Variants in LEFTY2 observed in about 807,000 individuals in gnomAD.
LEFTY2 encodes left-right determination factor 2.
In LEFTY2, 10 loss-of-function variants were observed where a neutral mutation model predicts 26.4. The observed-to-expected ratio is 0.38, with a 90% CI of 0.23 to 0.64. The LOEUF is 0.64. Among genes scored for constraint, LEFTY2 ranks in the 30% least tolerant of loss-of-function variants. The probability of loss-of-function intolerance (pLI) is 0.56; values close to 1 mark genes in which losing one functional copy is unlikely to be tolerated. For synonymous variants in LEFTY2, 204 were observed against 234.1 expected (o/e 0.87, Z 1.17); for missense variants, 407 against 502.1 (o/e 0.81, Z 1.81).
chr1:225,940,024 G>A (rs755305700), intron 1 of LEFTY2, 22 bp from the exon 2 acceptor site: 1 of 1,595,642 alleles, frequency 6.3e-7, no homozygotes, highest in Non-Finnish European at 8.5e-7. Context: ...AGCAGGGTCA[G>A]CAGGGCCTCC....
At position 225,936,962 on chromosome 1, in the gene LEFTY2, C is replaced by T. The variant is rs1287372967; in HGVS notation, c.*479G>A. On this transcript the variant is annotated 3_prime_UTR_variant, in exon 4 of 4. Transcript: ENST00000366820. ...CTGCCCCCAGCCTGAAGCCCTTCAT[C>T]CTTCCTCTTAGCACCCTCTCAGGGG... The T allele has an allele frequency of 2.8e-5, 5 of 177,872 alleles. No homozygotes were observed. The South Asian group carries it at 5.8e-4, about 21-fold the overall frequency. 11.0% of individuals were successfully genotyped at this position (177,872 alleles called of 1,614,324 possible). A position where few individuals can be genotyped will look rare whatever the true frequency, so the allele number is the denominator to read the frequency against.
In LEFTY2 at chr1:225,939,856, G is replaced by T. The variant is rs1672272477; in HGVS notation, c.397C>A (p.His133Asn). The T allele has an allele frequency of 6.5e-7, 1 of 1,545,294 alleles. No homozygotes were observed. The highest frequency in any genetic ancestry group is 1.4e-5 in the African/African-American group (1 of 74,034). Residue 133 changes from histidine to asparagine, a missense_variant, in exon 2 of 4, where the codon CAC becomes AAC. Coordinates refer to ENST00000366820, the MANE Select transcript of LEFTY2 (RefSeq NM_003240.5). This position sits in a 1 kb window ranked among gnomAD's most constrained non-coding sequence, Gnocchi z 4.1. ...GCGCTGCGCGGGGACAGCCGCCCGTGCCTGTGCAGCGCGGCCTTGGGGACC... is the reference window on the plus strand; with the variant it reads ...GCGCTGCGCGGGGACAGCCGCCCGTTCCTGTGCAGCGCGGCCTTGGGGACC... ...EPVPKAALHR[H>N]GRLSPRSAQA...
rs778447375 is a variant in LEFTY2, at chr1:225,937,471, C to T, written c.1071G>A (p.Gly357=). ...RVQKCSCASD[G]ALVPRRLQP is the part of the protein sequence containing the mutation. ...GCTGGAGCCTCCTTGGCACGAGCGC[C>T]CCATCCGAGGCACAGCTGCACTTCT... is the stretch of plus-strand genomic sequence containing the variant. Residue 357 remains glycine, a synonymous_variant, in exon 4 of 4, where the codon GGG becomes GGA. Coordinates refer to ENST00000366820, the MANE Select transcript of LEFTY2 (RefSeq NM_003240.5). The T allele has an allele frequency of 2.8e-4, 459 of 1,613,932 alleles. 1 individual carries two copies. The highest frequency in any genetic ancestry group is 1.0e-4 in the Non-Finnish European group (119 of 1,180,050).
intron 1 of LEFTY2, 199 bp from the exon 2 acceptor site, chr1:225,940,201 G>A: frequency 1.1e-6 from 1 of 884,532 alleles, no homozygotes; most frequent in Non-Finnish European, 1.7e-6. Context: ...GGGCCTGTGG[G>A]ACCCTGGCTA....
In LEFTY2 at chr1:225,937,933, A is replaced by C. The variant is rs144148432; in HGVS notation, c.738-129T>G. On this transcript the variant is annotated intron_variant, in intron 3 of 3. Transcript: ENST00000366820. ...GCTCTCACTATGTTCTAAAAGCTGG[A>C]TATTTGTGAGAAGATGAATAAACAT... is the stretch of plus-strand genomic sequence containing the variant. 1.9e-3 allele frequency: 2,311 copies of C among 1,242,278 alleles called. 8 individuals are homozygous for C. The highest frequency in any genetic ancestry group is 2.5e-3 in the Admixed American group (86 of 34,548). The allele number at this position is 1,242,278 out of a possible 1,614,324, so 77.0% of individuals were successfully genotyped here.
chr1:225,939,966 G>T lies in LEFTY2; in HGVS notation c.287C>A (p.Thr96Lys). 1.3e-6 allele frequency: 2 copies of T among 1,595,436 alleles called. No homozygotes were observed. Among genetic ancestry groups the T allele is most frequent in the Middle Eastern group, 2.3e-4 (1 of 4,440 alleles). Reference sequence around the variant, plus strand: ...CTCCATGCCGAACACCAGCAGGTGTGTGCTGGCCTCCGACGCCAGGAACCT... The same window carrying T: ...CTCCATGCCGAACACCAGCAGGTGTTTGCTGGCCTCCGACGCCAGGAACCT... ...AGRFLASEAS[T>K]HLLVFGMEQR... The change falls in exon 2 of 4, where the codon ACA becomes AAA. Residue 96 changes from threonine to lysine, a missense_variant. By Grantham distance (78) the Thr-to-Lys change is moderately conservative. Transcript: ENST00000366820. This position sits in a 1 kb window ranked among gnomAD's most constrained non-coding sequence, Gnocchi z 4.1.
At position 225,940,190 on chromosome 1, in the gene LEFTY2, G is replaced by A. The variant is rs1672286896; in HGVS notation, c.251-188C>T. On this transcript the variant is annotated intron_variant, in intron 1 of 3. Coordinates refer to ENST00000366820, the MANE Select transcript of LEFTY2 (RefSeq NM_003240.5). ...TAACAATTTCCATCCAGCAGGCAGG[G>A]GGGCCTGTGGGACCCTGGCTAGCAA... 8 of 958,182 alleles carry A rather than the reference G, an allele frequency of 8.3e-6. No individual in the cohort carries two copies. In the South Asian group the frequency reaches 1.3e-4, roughly 15 times the overall value. The allele number at this position is 958,182 out of a possible 1,614,324, so 59.4% of individuals were successfully genotyped here.
Position 225,937,815 on chromosome 1 carries a change from A to G in LEFTY2, c.738-11T>C. 1 of 1,585,788 alleles carries G rather than the reference A, an allele frequency of 6.3e-7. No individual in the cohort carries two copies. Among genetic ancestry groups the G allele is most frequent in the Non-Finnish European group, 8.5e-7 (1 of 1,172,208 alleles). ...CAGTCGCCCTGAGCTCTGTGTGGGCAAGGAGAGCAGGGTCAGAGGTCATCT... is the reference window on the plus strand; with the variant it reads ...CAGTCGCCCTGAGCTCTGTGTGGGCGAGGAGAGCAGGGTCAGAGGTCATCT... On this transcript the variant is annotated splice_polypyrimidine_tract_variant and intron_variant, in intron 3 of 3. Transcript: ENST00000366820.
chr1:225,939,734 T>C lies in LEFTY2; in HGVS notation c.497+22A>G, dbSNP rs763209209. On this transcript the variant is annotated intron_variant, in intron 2 of 3. Coordinates refer to ENST00000366820, the MANE Select transcript of LEFTY2 (RefSeq NM_003240.5). The surrounding 1 kb of genome is among the most constrained non-coding windows in gnomAD (Gnocchi z 4.1). ...GCCGAGCAGCCTCCTACTCCTGCCCTGCGCGCCCGCGCGACCCCCACCTGG... is the reference window on the plus strand; with the variant it reads ...GCCGAGCAGCCTCCTACTCCTGCCCCGCGCGCCCGCGCGACCCCCACCTGG... 6.2e-6 allele frequency: 10 copies of C among 1,602,638 alleles called. No individual in the cohort carries two copies. The highest frequency in any genetic ancestry group is 8.5e-6 in the Non-Finnish European group (10 of 1,176,372).
At chr1:225,940,610 C>T (rs1253579620) in intron 1 of LEFTY2, among the ~76,000 whole-genome samples, 1 of 152,232 alleles carries the variant, frequency 6.6e-6, no homozygotes, top group African/African-American at 2.4e-5. Context: ...CCTGCTCCCC[C>T]AGCTCTACTT....
chr1:225,937,023 T>G lies in LEFTY2; in HGVS notation c.*418A>C. ...TAGGTATGTTTACAAAAGTCCAGAA[T>G]GGGTCAGTATTTGGGGGAAATAGAG... On this transcript the variant is annotated 3_prime_UTR_variant, in exon 4 of 4. Transcript: ENST00000366820. 1 of 274,666 alleles carries G rather than the reference T, an allele frequency of 3.6e-6. No individual in the cohort carries two copies. Among genetic ancestry groups the G allele is most frequent in the Non-Finnish European group, 7.1e-6 (1 of 141,552 alleles). 17.0% of individuals were successfully genotyped at this position (274,666 alleles called of 1,614,324 possible). A position where few individuals can be genotyped will look rare whatever the true frequency, so the allele number is the denominator to read the frequency against.
intron 3 of LEFTY2, among the ~76,000 whole-genome samples, chr1:225,938,684 CT>C (rs553967177): frequency 4.9e-4 from 72 of 146,308 alleles, no homozygotes; most frequent in South Asian, 3.5e-3. Flanking sequence ...TTCTTTAAAA[CT>C]TTTTTTTTTT....
In LEFTY2 at chr1:225,936,653, C is replaced by A. The variant is rs1035526210; in HGVS notation, c.*788G>T. 6.6e-6 allele frequency: 1 copy of A among 152,066 alleles called. No individual in the cohort carries two copies. The highest frequency in any genetic ancestry group is 2.4e-5 in the African/African-American group (1 of 41,390). 9.4% of individuals were successfully genotyped at this position (152,066 alleles called of 1,614,324 possible). On this transcript the variant is annotated 3_prime_UTR_variant, in exon 4 of 4. Coordinates refer to ENST00000366820, the MANE Select transcript of LEFTY2 (RefSeq NM_003240.5). ...GAGTATCTACATTCAATTGCTTTAG[C>A]TAAATTAACAAAAAACATGCAAATA...
Position 225,939,219 on chromosome 1 carries a change from G to A in LEFTY2, c.737+142C>T. 7.5e-7 allele frequency: 1 copy of A among 1,331,154 alleles called. No individual in the cohort carries two copies. The highest frequency in any genetic ancestry group is 1.3e-5 in the South Asian group (1 of 76,932). 82.5% of individuals were successfully genotyped at this position (1,331,154 alleles called of 1,614,324 possible). ...AAACCCTGACATGTAGTGGGCAATC[G>A]CTGGCATCCTGGGACAGTCTGCACC... is the stretch of plus-strand genomic sequence containing the variant. On this transcript the variant is annotated intron_variant, in intron 3 of 3. Transcript: ENST00000366820. The surrounding 1 kb of genome is among the most constrained non-coding windows in gnomAD (Gnocchi z 4.1).
Position 225,939,162 on chromosome 1 carries a change from C to T in LEFTY2, c.737+199G>A, listed in dbSNP as rs1351557274. On this transcript the variant is annotated intron_variant, in intron 3 of 3. Transcript: ENST00000366820. This position sits in a 1 kb window ranked among gnomAD's most constrained non-coding sequence, Gnocchi z 4.1. ...CTAGGATTACAGGTCTGAGCCACCACGCCTGGCCAACAATACAATTTCTGC... is the reference window on the plus strand; with the variant it reads ...CTAGGATTACAGGTCTGAGCCACCATGCCTGGCCAACAATACAATTTCTGC... Among the ~76,000 whole-genome samples, 2 of 152,188 alleles carry T rather than the reference C, an allele frequency of 1.3e-5. No individual in the cohort carries two copies. Among genetic ancestry groups the T allele is most frequent in the African/African-American group, 4.8e-5 (2 of 41,446 alleles).
intron 1 of LEFTY2, 151 bp downstream of exon 1, chr1:225,940,740 C>A: frequency 4.1e-6 from 5 of 1,219,804 alleles, no homozygotes; most frequent in Non-Finnish European, 5.7e-6. Flanking sequence ...GACCCAGGCC[C>A]GGCTCCTCCT....
chr1:225,940,376 G>A (rs1435914805), intron 1 of LEFTY2, among the ~76,000 whole-genome samples: 2 of 152,218 alleles, frequency 1.3e-5, no homozygotes, highest in Admixed American at 6.5e-5. Flanking sequence ...GTCTACTTAG[G>A]TATTTTTCAG....
rs1440611689 is a variant in LEFTY2, at chr1:225,941,206, C to T, written c.-66G>A. 1.4e-6 allele frequency: 2 copies of T among 1,428,894 alleles called. No individual in the cohort carries two copies. Among genetic ancestry groups the T allele is most frequent in the East Asian group, 5.0e-5 (2 of 40,228 alleles). 88.5% of individuals were successfully genotyped at this position (1,428,894 alleles called of 1,614,324 possible). Reference sequence around the variant, plus strand: ...CTCTAGGGAGGTTGAAGGAGGGTCTCAGGCAGCTGGGTGTGCTGAGAGCCA... The same window carrying T: ...CTCTAGGGAGGTTGAAGGAGGGTCTTAGGCAGCTGGGTGTGCTGAGAGCCA... On this transcript the variant is annotated 5_prime_UTR_variant, in exon 1 of 4. Coordinates refer to ENST00000366820, the MANE Select transcript of LEFTY2 (RefSeq NM_003240.5).
Position 225,937,697 on chromosome 1 carries a change from A to G in LEFTY2, c.845T>C (p.Val282Ala). 1 of 1,613,562 alleles carries G rather than the reference A, an allele frequency of 6.2e-7. No individual in the cohort carries two copies. The highest frequency in any genetic ancestry group is 8.5e-7 in the Non-Finnish European group (1 of 1,179,554). The change falls in exon 4 of 4, where the codon GTG (valine) becomes GCG (alanine). Residue 282 changes from valine to alanine, a missense_variant. Physicochemically the swap from Val to Ala is moderately conservative, Grantham distance 64 (BLOSUM62 0). Transcript: ENST00000366820. ...AGCCAGGAAGCCCGGGGGCTCCAGC[A>G]CCCAGTTCTTGGCCCACTTCATCCC... ...LQGMKWAKNW[V>A]LEPPGFLAYE...
Sources: gnomAD v4.1 joint callset for allele counts (sites outside exome capture counted in the v4.1 genomes callset) on GRCh38, gnomAD v4.1.1 for gene constraint, Gnocchi (gnomAD v3.1) non-coding constraint, MANE v1.5 for transcripts, NCBI Gene and HGNC (gene_info 2026-07-23, HGNC 2026-07-21) for gene names.